The following RANBP17 variants were observed in gnomAD, a reference collection of about 807,000 sequenced individuals.
RANBP17 encodes ran-binding protein 17.
RANBP17 carries 158 observed loss-of-function variants against 141.2 expected under a neutral mutation model. The observed-to-expected ratio is 1.12, with a 90% CI of 0.98 to 1.28. The LOEUF (loss-of-function observed/expected upper bound fraction) is 1.28. RANBP17 is among the 50% of genes most tolerant of loss of function. RANBP17 has a pLI of 0.00. For missense variants in RANBP17, 1,438 were observed against 1,290.7 expected (o/e 1.11, Z -1.75); for synonymous variants, 430 against 450.0 (o/e 0.96, Z 0.56).
At chr5:171,104,717 T>C (rs531367392) in intron 14 of RANBP17, among the ~76,000 whole-genome samples, 2 of 152,314 alleles carry the variant, frequency 1.3e-5, no homozygotes, top group African/African-American at 4.8e-5. Flanking sequence ...CTCTCTAAGC[T>C]TCACTTTTGC....
intron 14 of RANBP17, among the ~76,000 whole-genome samples, chr5:171,147,739 A>G (rs1049324322): frequency 2.0e-5 from 3 of 152,110 alleles, no homozygotes; most frequent in Non-Finnish European, 2.9e-5. Context: ...AAGCAGCTAA[A>G]GAAAGGTAAA....
intron 25 of RANBP17, among the ~76,000 whole-genome samples, chr5:171,292,214 G>C (rs1581195289): frequency 6.6e-6 from 1 of 152,194 alleles, no homozygotes; most frequent in African/African-American, 2.4e-5. Context: ...TCCCCAGAGA[G>C]ACTGGACATA....
At chr5:171,030,501 C>T (rs1781489649) in intron 14 of RANBP17, among the ~76,000 whole-genome samples, 1 of 151,882 alleles carries the variant, frequency 6.6e-6, no homozygotes, top group African/African-American at 2.4e-5. Flanking sequence ...CTCTCTTGAA[C>T]AGAAAAGCCA....
intron 25 of RANBP17, among the ~76,000 whole-genome samples, chr5:171,285,077 G>A (rs1768083691): frequency 6.6e-6 from 1 of 152,082 alleles, no homozygotes; most frequent in African/African-American, 2.4e-5. Flanking sequence ...CCTGTGCATG[G>A]GCTGTTCGTT....
At chr5:171,276,259 C>T (rs540930959) in intron 25 of RANBP17, among the ~76,000 whole-genome samples, 1 of 152,324 alleles carries the variant, frequency 6.6e-6, no homozygotes, top group East Asian at 1.9e-4. Flanking sequence ...AGTCACATCT[C>T]TTTCTCTTTT....
At chr5:170,873,943 T>A (rs1004928531) in intron 1 of RANBP17, among the ~76,000 whole-genome samples, 1 of 152,156 alleles carries the variant, frequency 6.6e-6, no homozygotes, top group Non-Finnish European at 1.5e-5. Context: ...GTTAGGGTGT[T>A]GATTTGAGAT....
chr5:170,892,018 CAT>C (rs998173085), intron 3 of RANBP17, among the ~76,000 whole-genome samples: 2 of 152,032 alleles, frequency 1.3e-5, no homozygotes, highest in African/African-American at 2.4e-5. Context: ...TATAAATAAA[CAT>C]ATGTCTTGAG....
At chr5:171,296,406 C>T (rs1435166020) in intron 27 of RANBP17, among the ~76,000 whole-genome samples, 1 of 152,132 alleles carries the variant, frequency 6.6e-6, no homozygotes, top group Non-Finnish European at 1.5e-5. Context: ...CGAGATACAG[C>T]TGAGTTAGGA....
intron 5 of RANBP17, chr5:170,896,938 T>C (rs940229900): frequency 1.2e-5 from 9 of 732,030 alleles, no homozygotes; most frequent in Admixed American, 1.1e-4. Flanking sequence ...AATGACCCAG[T>C]TGGTGGTCAT....
intron 14 of RANBP17, 39 bp downstream of exon 14, chr5:170,968,416 GA>G (rs1561941722): frequency 1.3e-6 from 2 of 1,545,090 alleles, no homozygotes; most frequent in Middle Eastern, 3.4e-4. Context: ...TGTTATTGGG[GA>G]TGAAGAAAGA....
rs545250891 is a variant in RANBP17 at position 171,063,210 on chromosome 5, C to T, written c.1710+94833C>T. 9.2e-5 allele frequency among the ~76,000 whole-genome samples: 14 copies of T among 152,356 alleles called. No individual in the cohort carries two copies. In the East Asian group the frequency reaches 2.3e-3, roughly 25 times the overall value. On this transcript the variant is annotated intron_variant, in intron 14 of 27. Coordinates refer to ENST00000523189, the MANE Select transcript of RANBP17 (RefSeq NM_022897.5). Reference sequence around the variant, plus strand: ...TTGTTCTGTTGCTGGTGAGGAACTGCTTTCCTTTGGAGGAGGAGAGGCGCT... The same window carrying T: ...TTGTTCTGTTGCTGGTGAGGAACTGTTTTCCTTTGGAGGAGGAGAGGCGCT...
At chr5:170,922,675 A>G (rs972481879) in intron 11 of RANBP17, among the ~76,000 whole-genome samples, 1 of 152,102 alleles carries the variant, frequency 6.6e-6, no homozygotes, top group Non-Finnish European at 1.5e-5. Context: ...ACTGTGGGAA[A>G]AGCACAGCAT....
intron 22 of RANBP17, among the ~76,000 whole-genome samples, chr5:171,227,462 G>A (rs1561781766): frequency 2.0e-5 from 3 of 152,210 alleles, no homozygotes; most frequent in Admixed American, 2.0e-4. Context: ...CAGAAGAAAA[G>A]TTGGAAGCTA....
intron 14 of RANBP17, chr5:171,143,316 A>G (rs1757822987): frequency 6.6e-6 from 1 of 152,204 alleles, no homozygotes; most frequent in Non-Finnish European, 1.5e-5. Flanking sequence ...GAGATCATAT[A>G]ATATATAGTC....
At position 171,028,728 on chromosome 5, in the gene RANBP17, CAG is replaced by C. The variant is rs1271399652; in HGVS notation, c.1710+60355_1710+60356del. The C allele has an allele frequency of 2.4e-5, 8 of 336,812 alleles. No individual in the cohort carries two copies. The East Asian group carries it at 6.0e-4, about 25-fold the overall frequency. The allele number at this position is 336,812 out of a possible 1,614,324, so 20.9% of individuals were successfully genotyped here. On this transcript the variant is annotated intron_variant, in intron 14 of 27. Transcript: ENST00000523189. ...ATACCTTTGTCTCTTCCAACTTTTG[CAG>C]AGACTTTCCTTGCTTGCATACAGAG...
chr5:170,930,812 A>G (rs184426172), intron 12 of RANBP17, among the ~76,000 whole-genome samples: 7 of 152,180 alleles, frequency 4.6e-5, no homozygotes, highest in Non-Finnish European at 8.8e-5. Context: ...GTCTACCATC[A>G]TTGGACATGT....
intron 22 of RANBP17, among the ~76,000 whole-genome samples, chr5:171,226,316 G>A (rs1271001105): frequency 6.6e-6 from 1 of 152,122 alleles, no homozygotes; most frequent in Non-Finnish European, 1.5e-5. Context: ...GTTGAAGAGT[G>A]CACAGAAGGG....
At chr5:170,908,966 A>G (rs1354244975) in intron 5 of RANBP17, among the ~76,000 whole-genome samples, 1 of 151,910 alleles carries the variant, frequency 6.6e-6, no homozygotes, top group African/African-American at 2.4e-5. Context: ...TAATGTTAGT[A>G]TGAGTGTCAG....
rs533385393 is a variant in RANBP17 at position 171,156,396 on chromosome 5, A to C, written c.1711-13734A>C. ...TAGAAGATCCTTGAGTACCATTTTG[A>C]TGTGTGAAATAATTTATTTAGATGT... is the stretch of plus-strand genomic sequence containing the variant. On this transcript the variant is annotated intron_variant, in intron 14 of 27. Transcript: ENST00000523189. Among the ~76,000 whole-genome samples, 16 of 152,252 alleles carry C rather than the reference A, an allele frequency of 1.1e-4. No homozygotes were observed. The South Asian group carries it at 1.2e-3, about 12-fold the overall frequency.
Sources: allele counts gnomAD v4.1 joint callset (sites outside exome capture counted in the v4.1 genomes callset), GRCh38; gene constraint gnomAD v4.1.1; transcripts MANE v1.5; gene names NCBI Gene and HGNC (gene_info 2026-07-23, HGNC 2026-07-21).